Variants in NXPH1 observed in about 807,000 individuals in gnomAD.
The protein encoded by NXPH1 is neurexophilin 1.
In NXPH1, 5 loss-of-function variants were observed where a neutral mutation model predicts 23.7. That is an observed-to-expected ratio of 0.21 (90% CI 0.11 to 0.44). The LOEUF is 0.44. Ranked by LOEUF, NXPH1 falls within the 20% of genes least tolerant of loss-of-function variation. NXPH1 has a pLI of 0.99. For synonymous variants in NXPH1, 144 were observed against 122.2 expected, an observed-to-expected ratio of 1.18 and a Z score of -1.18; for missense variants, 324 against 321.6, an observed-to-expected ratio of 1.01 and a Z score of -0.06.
intron 2 of NXPH1, among the ~76,000 whole-genome samples, chr7:8,706,044 G>A (rs1562460243): frequency 6.6e-6 from 1 of 152,130 alleles, no homozygotes; most frequent in African/African-American, 2.4e-5. Context: ...AATATTTGAT[G>A]TATCTGGAAA....
chr7:8,475,013 A>G (rs1014911302), intron 2 of NXPH1, among the ~76,000 whole-genome samples: 1 of 152,094 alleles, frequency 6.6e-6, no homozygotes, highest in African/African-American at 2.4e-5. Context: ...CCAGCCCTGG[A>G]TATCACCCCT....
At chr7:8,699,868 G>T (rs550583018) in intron 2 of NXPH1, among the ~76,000 whole-genome samples, 2 of 152,010 alleles carry the variant, frequency 1.3e-5, no homozygotes, top group Non-Finnish European at 2.9e-5. Context: ...TGCTGTCTTT[G>T]TCTTATGGAT....
intron 2 of NXPH1, 147 bp from the exon 3 acceptor site, chr7:8,750,861 C>G: frequency 1.4e-6 from 1 of 722,238 alleles, no homozygotes; most frequent in Non-Finnish European, 2.3e-6. Flanking sequence ...GCTTAGATCT[C>G]TGCTTTGGGT....
At chr7:8,579,260 T>A (rs1214719597) in intron 2 of NXPH1, among the ~76,000 whole-genome samples, 1 of 152,136 alleles carries the variant, frequency 6.6e-6, no homozygotes, top group Admixed American at 6.5e-5. Flanking sequence ...TAAAACAGAT[T>A]CAGTGATGGC....
chr7:8,447,305 T>G (rs1816422166), intron 2 of NXPH1, among the ~76,000 whole-genome samples: 1 of 152,246 alleles, frequency 6.6e-6, no homozygotes, highest in South Asian at 2.1e-4. Flanking sequence ...CATCATTTAC[T>G]GTGTTAGAGA....
At chr7:8,493,026 G>T (rs1218780251) in intron 2 of NXPH1, among the ~76,000 whole-genome samples, 2 of 151,986 alleles carry the variant, frequency 1.3e-5, no homozygotes, top group Non-Finnish European at 2.9e-5. Flanking sequence ...AAACCTTCCT[G>T]ATTCATCCAC....
chr7:8,658,146 A>G (rs765656222), intron 2 of NXPH1, among the ~76,000 whole-genome samples: 2 of 152,252 alleles, frequency 1.3e-5, no homozygotes, highest in South Asian at 4.1e-4. Context: ...ACCAGTATTT[A>G]GTGACTTCGA....
chr7:8,700,494 C>T (rs562476305), intron 2 of NXPH1, among the ~76,000 whole-genome samples: 91 of 152,164 alleles, frequency 6.0e-4, no homozygotes, highest in African/African-American at 2.2e-3. Flanking sequence ...CCTCTTTGGC[C>T]TTGGCTTCTA....
chr7:8,618,165 A>C (rs1324611127), intron 2 of NXPH1, among the ~76,000 whole-genome samples: 3 of 152,148 alleles, frequency 2.0e-5, no homozygotes, highest in Non-Finnish European at 4.4e-5. Flanking sequence ...TGTTAACAAC[A>C]CTAACCAAAA....
chr7:8,522,615 T>TGATTGTTA (rs1817791402), intron 2 of NXPH1, among the ~76,000 whole-genome samples: 1 of 152,202 alleles, frequency 6.6e-6, no homozygotes, highest in Non-Finnish European at 1.5e-5. Context: ...CCTCATTTTG[T>TGATTGTTA]GATTGTTAAT....
At chr7:8,587,814 C>CTCA (rs1819009980) in intron 2 of NXPH1, among the ~76,000 whole-genome samples, 1 of 152,110 alleles carries the variant, frequency 6.6e-6, no homozygotes, top group Admixed American at 6.6e-5. Context: ...AGGACATGAA[C>CTCA]TCATCCTTTT....
intron 2 of NXPH1, among the ~76,000 whole-genome samples, chr7:8,493,907 T>C (rs911330279): frequency 6.6e-6 from 1 of 151,992 alleles, no homozygotes; most frequent in African/African-American, 2.4e-5. Flanking sequence ...CTAAGATCCA[T>C]GGGATGGGAT....
chr7:8,628,934 A>G (rs995853736), intron 2 of NXPH1, among the ~76,000 whole-genome samples: 3 of 151,232 alleles, frequency 2.0e-5, no homozygotes, highest in Admixed American at 6.6e-5. Context: ...CACTATCATT[A>G]GGCTAATGAG....
chr7:8,481,218 C>T (rs1490014722), intron 2 of NXPH1, among the ~76,000 whole-genome samples: 1 of 152,152 alleles, frequency 6.6e-6, no homozygotes, highest in Non-Finnish European at 1.5e-5. Flanking sequence ...TTGCGGAACT[C>T]ATATAGAAGA....
chr7:8,436,903 G>T (rs1816205260), intron 2 of NXPH1, among the ~76,000 whole-genome samples: 2 of 152,204 alleles, frequency 1.3e-5, no homozygotes, highest in African/African-American at 4.8e-5. Flanking sequence ...TTTCTCGGCC[G>T]TTGCCCTGGT....
chr7:8,705,798 C>A (rs1035716318), intron 2 of NXPH1, among the ~76,000 whole-genome samples: 1 of 152,134 alleles, frequency 6.6e-6, no homozygotes, highest in African/African-American at 2.4e-5. Flanking sequence ...AGTCTTACCT[C>A]AGGGCTATGT....
chr7:8,532,478 G>T (rs1817962892), intron 2 of NXPH1, among the ~76,000 whole-genome samples: 2 of 133,548 alleles, frequency 1.5e-5, no homozygotes, highest in South Asian at 2.8e-4. Context: ...TGGGGGGGGG[G>T]GAGGGGGCTG....
intron 2 of NXPH1, among the ~76,000 whole-genome samples, chr7:8,554,014 G>T (rs1387387986): frequency 1.3e-5 from 2 of 151,554 alleles, no homozygotes; most frequent in South Asian, 2.1e-4. Flanking sequence ...AAGCTGAAAT[G>T]GTTATGTCAG....
chr7:8,671,067 C>T (rs1023402991), intron 2 of NXPH1, among the ~76,000 whole-genome samples: 1 of 152,178 alleles, frequency 6.6e-6, no homozygotes, highest in Non-Finnish European at 1.5e-5. Context: ...TCCACAGATA[C>T]ATACCATTCA....
Sources: allele counts gnomAD v4.1 joint callset (sites outside exome capture counted in the v4.1 genomes callset), GRCh38; gene constraint gnomAD v4.1.1; transcripts MANE v1.5; gene names NCBI Gene and HGNC (gene_info 2026-07-23, HGNC 2026-07-21).